PPP3CA: variants seen among roughly 807,000 people sequenced by gnomAD.
PPP3CA encodes the protein CAM-PRP catalytic subunit.
A neutral mutation model predicts 66.5 loss-of-function variants in PPP3CA; 14 were observed. The ratio of observed to expected loss-of-function variants is 0.21; its 90% CI spans 0.14 to 0.33. PPP3CA has a LOEUF of 0.33. Among genes scored for constraint, PPP3CA ranks in the 10% least tolerant of loss-of-function variants. PPP3CA has a pLI of 1.00. For synonymous variants in PPP3CA, 232 were observed against 226.2 expected, an observed-to-expected ratio of 1.03 and a Z score of -0.23; for missense variants, 317 against 639.5, an observed-to-expected ratio of 0.50 and a Z score of 5.44.
At chr4:101,150,787 T>C (rs565373552) in intron 2 of PPP3CA, among the ~76,000 whole-genome samples, 1 of 152,300 alleles carries the variant, frequency 6.6e-6, no homozygotes, top group East Asian at 1.9e-4. Context: ...AATCGCTTCC[T>C]CCTTGGCACT....
intron 1 of PPP3CA, among the ~76,000 whole-genome samples, chr4:101,345,549 G>A (rs146518523): frequency 1.3e-5 from 2 of 152,238 alleles, no homozygotes; most frequent in Admixed American, 6.5e-5. Context: ...GCCCATCTCT[G>A]CTTTGCTTGG....
chr4:101,155,988 A>C (rs937472699), intron 2 of PPP3CA, among the ~76,000 whole-genome samples: 3 of 152,166 alleles, frequency 2.0e-5, no homozygotes, highest in Non-Finnish European at 2.9e-5. Flanking sequence ...GTAGACAGGG[A>C]CCCTTACATG....
intron 2 of PPP3CA, among the ~76,000 whole-genome samples, chr4:101,165,210 T>C (rs1723654223): frequency 6.6e-6 from 1 of 152,210 alleles, no homozygotes. Context: ...AACATTTCTT[T>C]GTATCTCTTT....
rs540486728 is a variant in PPP3CA, at chr4:101,314,805, T to C, written c.58+31934A>G. 1.2e-3 allele frequency among the ~76,000 whole-genome samples: 183 copies of C among 152,220 alleles called. 1 individual carries two copies. Among genetic ancestry groups the C allele is most frequent in the Non-Finnish European group, 1.7e-3 (114 of 68,004 alleles). On this transcript the variant is annotated intron_variant, in intron 1 of 13. Transcript: ENST00000394854. ...GAAAAATGGAAACAAAGTATAAAAA[T>C]TCTTCTGTTTCTTCAAATTATCTGA... is the stretch of plus-strand genomic sequence containing the variant.
chr4:101,141,269 C>T (rs1009494720), intron 2 of PPP3CA, among the ~76,000 whole-genome samples: 4 of 152,164 alleles, frequency 2.6e-5, no homozygotes, highest in East Asian at 1.9e-4. Flanking sequence ...ACTTGACACG[C>T]TGAGGCAGGA....
chr4:101,075,070 G>T (rs1729125564), intron 8 of PPP3CA, among the ~76,000 whole-genome samples: 4 of 152,148 alleles, frequency 2.6e-5, no homozygotes, highest in Admixed American at 1.3e-4. Flanking sequence ...GATCTTGTGA[G>T]ACTTACTCAC....
chr4:101,069,901 GT>G (rs1728840638), intron 8 of PPP3CA, among the ~76,000 whole-genome samples: 1 of 152,084 alleles, frequency 6.6e-6, no homozygotes, highest in African/African-American at 2.4e-5. Flanking sequence ...TACAAAATAT[GT>G]GTTAATTGAC....
intron 3 of PPP3CA, chr4:101,107,964 C>G (rs978078672): frequency 1.5e-4 from 23 of 152,150 alleles, no homozygotes; most frequent in African/African-American, 5.3e-4. Flanking sequence ...CAATTTCAAA[C>G]CACTTCTTTC....
chr4:101,107,605 G>A (rs890019727), intron 3 of PPP3CA, among the ~76,000 whole-genome samples: 1 of 152,138 alleles, frequency 6.6e-6, no homozygotes, highest in African/African-American at 2.4e-5. Flanking sequence ...TATTATGTTG[G>A]CGGAAATACA....
intron 5 of PPP3CA, among the ~76,000 whole-genome samples, chr4:101,096,847 A>T (rs1730217776): frequency 6.6e-6 from 1 of 152,202 alleles, no homozygotes; most frequent in African/African-American, 2.4e-5. Context: ...AACACTGTTT[A>T]CTAATTTAAT....
chr4:101,280,200 A>G (rs898853113), intron 1 of PPP3CA, among the ~76,000 whole-genome samples: 10 of 152,330 alleles, frequency 6.6e-5, no homozygotes, highest in African/African-American at 1.9e-4. Flanking sequence ...TAAGCATTAG[A>G]GAGAAAATTA....
At chr4:101,108,492 A>G (rs1721521551) in intron 3 of PPP3CA, among the ~76,000 whole-genome samples, 1 of 152,200 alleles carries the variant, frequency 6.6e-6, no homozygotes, top group South Asian at 2.1e-4. Flanking sequence ...CACGCCGGGC[A>G]TGGTGGCTCA....
At chr4:101,269,855 C>T (rs757083609) in intron 1 of PPP3CA, among the ~76,000 whole-genome samples, 10 of 152,044 alleles carry the variant, frequency 6.6e-5, no homozygotes, top group African/African-American at 1.7e-4. Context: ...GAAGTCACGC[C>T]TTTGCTTTAC....
At chr4:101,073,935 G>A (rs913175010) in intron 8 of PPP3CA, among the ~76,000 whole-genome samples, 1 of 152,200 alleles carries the variant, frequency 6.6e-6, no homozygotes, top group Non-Finnish European at 1.5e-5. Flanking sequence ...GCAAACAAGT[G>A]CTCAGGACCC....
At position 101,312,459 on chromosome 4, in the gene PPP3CA, A is replaced by G. The variant is rs184590340; in HGVS notation, c.58+34280T>C. Among the ~76,000 whole-genome samples, 11 of 152,138 alleles carry G rather than the reference A, an allele frequency of 7.2e-5. No individual in the cohort carries two copies. In the East Asian group the frequency reaches 2.1e-3, roughly 29 times the overall value. On this transcript the variant is annotated intron_variant, in intron 1 of 13. Transcript: ENST00000394854. The stretch of plus-strand genomic sequence containing the variant: ...TAATAAAAGAATTCACTGGGAGAAG[A>G]GTTTTTACCTAAGAATAAAAAGCAA...
intron 10 of PPP3CA, among the ~76,000 whole-genome samples, chr4:101,042,674 A>T (rs895431809): frequency 6.6e-6 from 1 of 152,162 alleles, no homozygotes; most frequent in Non-Finnish European, 1.5e-5. Flanking sequence ...TTTTGTAAAC[A>T]ATATTAATTA....
At chr4:101,075,642 C>T (rs1339152786) in intron 8 of PPP3CA, among the ~76,000 whole-genome samples, 1 of 152,020 alleles carries the variant, frequency 6.6e-6, no homozygotes, top group African/African-American at 2.4e-5. Flanking sequence ...ATACATTTTC[C>T]CAGAGGTTCA....
intron 1 of PPP3CA, among the ~76,000 whole-genome samples, chr4:101,218,256 G>A (rs1465986990): frequency 6.6e-6 from 1 of 152,028 alleles, no homozygotes; most frequent in Non-Finnish European, 1.5e-5. Context: ...AATAATGGAA[G>A]AGGGAATAAT....
At chr4:101,130,626 C>G (rs1161411981) in intron 2 of PPP3CA, among the ~76,000 whole-genome samples, 1 of 152,106 alleles carries the variant, frequency 6.6e-6, no homozygotes, top group Admixed American at 6.6e-5. Flanking sequence ...AATTTTCAAC[C>G]CAGAATTTTA....
Sources: gnomAD v4.1 joint callset for allele counts (sites outside exome capture counted in the v4.1 genomes callset) on GRCh38, gnomAD v4.1.1 for gene constraint, MANE v1.5 for transcripts, NCBI Gene and HGNC (gene_info 2026-07-23, HGNC 2026-07-21) for gene names.